The following IL17RD variants were observed in gnomAD, a reference collection of about 807,000 sequenced individuals.
The protein encoded by IL17RD is interleukin 17 receptor D.
In IL17RD, 52 loss-of-function variants were observed where a neutral mutation model predicts 80.5. The ratio of observed to expected loss-of-function variants is 0.65; its 90% CI spans 0.52 to 0.81. IL17RD has a LOEUF of 0.81. Among genes scored for constraint, IL17RD ranks in the 40% least tolerant of loss-of-function variants. The pLI is 0.00. For synonymous variants in IL17RD, 416 were observed against 391.8 expected, an observed-to-expected ratio of 1.06 and a Z score of -0.73; for missense variants, 1,024 against 955.1, an observed-to-expected ratio of 1.07 and a Z score of -0.95.
intron 1 of IL17RD, among the ~76,000 whole-genome samples, chr3:57,135,097 G>C (rs1707696881): frequency 6.6e-6 from 1 of 152,034 alleles, no homozygotes; most frequent in Admixed American, 6.6e-5. Flanking sequence ...AACAGAGCAA[G>C]ACCTTGTCTC....
In IL17RD at chr3:57,096,024, C is replaced by A. The variant is rs1264600700; in HGVS notation, c.*369G>T. 1.1e-5 allele frequency: 2 copies of A among 179,652 alleles called. No individual in the cohort carries two copies. Among genetic ancestry groups the A allele is most frequent in the Non-Finnish European group, 2.3e-5 (2 of 85,772 alleles). The allele number at this position is 179,652 out of a possible 1,614,324, so 11.1% of individuals were successfully genotyped here. ...TCAAATCAAGGTAGCCAATAGCAAA[C>A]AGGCAAAGTTTGCAGAGCTCAATGA... On this transcript the variant is annotated 3_prime_UTR_variant, in exon 13 of 13. Transcript: ENST00000296318.
At chr3:57,146,989 A>ATT (rs1244457109) in intron 1 of IL17RD, among the ~76,000 whole-genome samples, 21 of 126,476 alleles carry the variant, frequency 1.7e-4, no homozygotes, top group Admixed American at 4.2e-4. Flanking sequence ...TGCCCGGCTA[A>ATT]TTTTTTTTTT....
intron 9 of IL17RD, 98 bp from the exon 10 acceptor site, chr3:57,102,687 T>C (rs930463516): frequency 9.3e-6 from 5 of 538,290 alleles, no homozygotes; most frequent in African/African-American, 1.9e-5. Flanking sequence ...GCATAACAGG[T>C]TCTAGGACCA....
At chr3:57,129,093 G>A (rs146069090) in intron 1 of IL17RD, among the ~76,000 whole-genome samples, 2 of 152,270 alleles carry the variant, frequency 1.3e-5, no homozygotes, top group East Asian at 3.9e-4. Context: ...CCGCATGTTA[G>A]AGAACTGGCA....
At chr3:57,096,843 C>G (rs948340372) in intron 12 of IL17RD, among the ~76,000 whole-genome samples, 3 of 152,084 alleles carry the variant, frequency 2.0e-5, no homozygotes, top group Non-Finnish European at 2.9e-5. Flanking sequence ...AACCCAATCT[C>G]TACTAAAGAT....
At chr3:57,159,549 C>T (rs56082412) in intron 1 of IL17RD, among the ~76,000 whole-genome samples, 2,378 of 152,306 alleles carry the variant, frequency 0.016, 51 homozygotes, top group Middle Eastern at 0.024. Flanking sequence ...ATCCAAGCAG[C>T]CAAGACAAAC....
chr3:57,139,927 C>T (rs1707798497), intron 1 of IL17RD, among the ~76,000 whole-genome samples: 1 of 152,118 alleles, frequency 6.6e-6, no homozygotes, highest in Non-Finnish European at 1.5e-5. Flanking sequence ...TCAAACTCAA[C>T]TCCTGGTTTT....
chr3:57,165,047 C>CG, intron 1 of IL17RD, 114 bp downstream of exon 1: 1 of 1,357,730 alleles, frequency 7.4e-7, no homozygotes, highest in South Asian at 1.7e-5. Context: ...AGGCCGGCCG[C>CG]GGACCCCGCG....
chr3:57,149,474 A>G (rs1708006952), intron 1 of IL17RD, among the ~76,000 whole-genome samples: 1 of 152,202 alleles, frequency 6.6e-6, no homozygotes, highest in African/African-American at 2.4e-5. Flanking sequence ...TCCCTCGAGT[A>G]TAAAGTACCA....
intron 2 of IL17RD, among the ~76,000 whole-genome samples, chr3:57,117,958 T>C (rs1043006275): frequency 3.3e-5 from 5 of 152,152 alleles, no homozygotes; most frequent in Admixed American, 6.6e-5. Flanking sequence ...CATAGGTATG[T>C]GGGCCAAATA....
At position 57,102,518 on chromosome 3, in the gene IL17RD, C is replaced by T. The variant is rs1230169111; in HGVS notation, c.940G>A (p.Ala314Thr). The T allele has an allele frequency of 7.6e-6, 12 of 1,577,580 alleles. No homozygotes were observed. The East Asian group carries it at 9.1e-5, about 12-fold the overall frequency. The change falls in exon 10 of 13, where the codon GCG (alanine) becomes ACG (threonine). Residue 314 changes from alanine to threonine, a missense_variant. By Grantham distance (58) the Ala-to-Thr change is moderately conservative (BLOSUM62 0). Transcript: ENST00000296318. ...CGGCACATCACAGTGAAGAGCGTCG[C>T]GAATGCCGATATGACTACCAGTGGC... ...TVPLVVISAF[A>T]TLFTVMCRKK... is the part of the protein sequence containing the mutation.
intron 5 of IL17RD, among the ~76,000 whole-genome samples, chr3:57,106,442 G>C (rs1706967969): frequency 6.6e-6 from 1 of 152,172 alleles, no homozygotes; most frequent in South Asian, 2.1e-4. Flanking sequence ...TTCAAGGCTG[G>C]TAGCCAAGGG....
chr3:57,160,489 A>C (rs148667206), intron 1 of IL17RD, among the ~76,000 whole-genome samples: 4,040 of 152,102 alleles, frequency 0.027, 84 homozygotes, highest in South Asian at 0.048. Context: ...GGAGGAACTC[A>C]GGGGAAGTGT....
chr3:57,136,543 G>A (rs1056754789), intron 1 of IL17RD, among the ~76,000 whole-genome samples: 2 of 150,754 alleles, frequency 1.3e-5, no homozygotes, highest in Non-Finnish European at 2.9e-5. Flanking sequence ...GATCTCTTGA[G>A]CCCAGGAGGT....
intron 1 of IL17RD, among the ~76,000 whole-genome samples, chr3:57,145,401 C>T (rs142204770): frequency 3.9e-5 from 6 of 152,224 alleles, no homozygotes; most frequent in Non-Finnish European, 7.4e-5. Context: ...CAGATGGAGA[C>T]GTGGGCACCC....
chr3:57,098,031 C>G lies in IL17RD; in HGVS notation c.1672G>C (p.Asp558His). 1.2e-6 allele frequency: 2 copies of G among 1,614,006 alleles called. No homozygotes were observed. The highest frequency in any genetic ancestry group is 1.7e-6 in the Non-Finnish European group (2 of 1,179,904). ...NMHQFIDEEPDWFEKQFVPFH... is the reference protein window; with the variant it reads ...NMHQFIDEEPHWFEKQFVPFH... Reference sequence around the variant, plus strand: ...GGAACGAACTGCTTTTCGAACCAGTCGGGCTCCTCGTCAATAAACTGGTGC... The same window carrying G: ...GGAACGAACTGCTTTTCGAACCAGTGGGGCTCCTCGTCAATAAACTGGTGC... Residue 558 changes from aspartate (D) to histidine (H), a missense_variant, in exon 12 of 13, where the codon GAC becomes CAC. Transcript: ENST00000296318.
upstream of IL17RD, among the ~76,000 whole-genome samples, chr3:57,165,625 G>A (rs1056512635): frequency 6.6e-6 from 1 of 151,404 alleles, no homozygotes; most frequent in Admixed American, 6.6e-5. Context: ...CTCACTCTAT[G>A]CAAAACCTGA....
chr3:57,125,342 G>A (rs553407337), intron 1 of IL17RD, among the ~76,000 whole-genome samples: 1 of 152,226 alleles, frequency 6.6e-6, no homozygotes, highest in East Asian at 1.9e-4. Context: ...GGGAGGTGGA[G>A]GTTGCAGTGA....
At chr3:57,140,161 G>A (rs1198777745) in intron 1 of IL17RD, among the ~76,000 whole-genome samples, 2 of 152,182 alleles carry the variant, frequency 1.3e-5, no homozygotes, top group African/African-American at 4.8e-5. Context: ...ACATTATGGA[G>A]AAGAACACAG....
Sources: gnomAD v4.1 joint callset for allele counts (sites outside exome capture counted in the v4.1 genomes callset) on GRCh38, gnomAD v4.1.1 for gene constraint, MANE v1.5 for transcripts, NCBI Gene and HGNC (gene_info 2026-07-23, HGNC 2026-07-21) for gene names.